The following QPRT variants were observed in gnomAD, a reference collection of about 807,000 sequenced individuals.
The protein encoded by QPRT is nicotinate-nucleotide pyrophosphorylase [carboxylating].
QPRT carries 17 observed loss-of-function variants against 19.8 expected under a neutral mutation model. That is an observed-to-expected ratio of 0.86 (90% CI 0.59 to 1.29). The LOEUF (loss-of-function observed/expected upper bound fraction) is 1.29, where lower values mean the gene tolerates loss of function less well. QPRT is among the 50% of genes most tolerant of loss of function. The pLI, the probability that QPRT is intolerant of heterozygous loss-of-function variation, is 0.00. For synonymous variants in QPRT, 178 were observed against 191.0 expected (o/e 0.93, Z 0.56); for missense variants, 336 against 405.1 (o/e 0.83, Z 1.46).
intron 1 of QPRT, among the ~76,000 whole-genome samples, chr16:29,680,537 G>T (rs941586144): frequency 6.6e-6 from 1 of 152,158 alleles, no homozygotes; most frequent in Non-Finnish European, 1.5e-5. Context: ...AAACCCAGGG[G>T]TCCATGCTCT....
intron 1 of QPRT, 82 bp from the exon 2 acceptor site, chr16:29,694,582 A>C: frequency 2.1e-6 from 3 of 1,399,512 alleles, no homozygotes; most frequent in South Asian, 1.5e-5. Context: ...TCCCAGTTTC[A>C]CTGGTTGTTA....
At chr16:29,691,555 T>C (rs1446743656) in intron 1 of QPRT, among the ~76,000 whole-genome samples, 2 of 151,640 alleles carry the variant, frequency 1.3e-5, no homozygotes, top group African/African-American at 4.8e-5. Flanking sequence ...GCATGGTTGG[T>C]GTGCGCCTGT....
At chr16:29,681,493 C>CTTTTTTTTTTT (rs10680462) in intron 1 of QPRT, among the ~76,000 whole-genome samples, 4 of 97,130 alleles carry the variant, frequency 4.1e-5, no homozygotes, top group Non-Finnish European at 5.6e-5. Context: ...GATCCAGATT[C>CTTTTTTTTTTT]TTTTTTTTTT....
chr16:29,695,084 G>C lies in QPRT; in HGVS notation c.434G>C (p.Arg145Pro), dbSNP rs780619295. The change falls in exon 2 of 4, where the codon CGG (arginine) becomes CCG (proline). Residue 145 changes from arginine (R) to proline (P), a missense_variant. Arg to Pro is a moderately radical substitution (Grantham distance 103, BLOSUM62 -2). Transcript: ENST00000395384. Reference sequence around the variant, plus strand: ...ACGAGGAAGACCACGCCAGGCTTCCGGCTGGTGGAGAAGTATGGGCTCCTG... The same window carrying C: ...ACGAGGAAGACCACGCCAGGCTTCCCGCTGGTGGAGAAGTATGGGCTCCTG... ...AGTRKTTPGF[R>P]LVEKYGLLVG... is the part of the protein sequence containing the mutation. The C allele has an allele frequency of 1.9e-6, 3 of 1,605,344 alleles. No individual in the cohort carries two copies. The highest frequency in any genetic ancestry group is 3.4e-5 in the Admixed American group (2 of 58,496).
chr16:29,679,028 G>GA, upstream of QPRT: 1 of 1,144,924 alleles, frequency 8.7e-7, no homozygotes. Flanking sequence ...GCCTGCTGAG[G>GA]AATCTGCAGG....
chr16:29,695,287 G>A (rs1052490405), intron 2 of QPRT, 88 bp downstream of exon 2: 12 of 1,382,686 alleles, frequency 8.7e-6, no homozygotes, highest in African/African-American at 6.0e-5. Context: ...AGCCATGACC[G>A]GGTGAACAGC....
At chr16:29,696,753 C>A in intron 2 of QPRT, 2 of 436,826 alleles carry the variant, frequency 4.6e-6, no homozygotes, top group Admixed American at 4.2e-5. Context: ...TGCACTCCAG[C>A]CTGGGCGACA....
chr16:29,684,538 G>A (rs1241477326), intron 1 of QPRT, among the ~76,000 whole-genome samples: 5 of 151,886 alleles, frequency 3.3e-5, no homozygotes, highest in Admixed American at 1.3e-4. Flanking sequence ...TAGTAGAGAC[G>A]GGGTTTCACC....
chr16:29,686,174 T>G (rs1222267548), intron 1 of QPRT, among the ~76,000 whole-genome samples: 1 of 152,150 alleles, frequency 6.6e-6, no homozygotes, highest in Non-Finnish European at 1.5e-5. Flanking sequence ...AAATGAAATT[T>G]TATGATGGCT....
Position 29,696,994 on chromosome 16 carries a change from A to G in QPRT, c.550-2A>G. 6.3e-7 allele frequency: 1 copy of G among 1,599,504 alleles called. No homozygotes were observed. Among genetic ancestry groups the G allele is most frequent in the South Asian group, 1.1e-5 (1 of 89,444 alleles). On this transcript the variant is annotated splice_acceptor_variant, in intron 2 of 3. Coordinates refer to ENST00000395384, the MANE Select transcript of QPRT (RefSeq NM_014298.6). LOFTEE classifies it high-confidence loss of function. Reference sequence around the variant, plus strand: ...ACCCTTGTCCTCCCGGCTGCCCAGCAGGCGGTGCGGGCGGCCAGACAGGCG... The same window carrying G: ...ACCCTTGTCCTCCCGGCTGCCCAGCGGGCGGTGCGGGCGGCCAGACAGGCG...
chr16:29,687,077 A>G (rs116793678), intron 1 of QPRT, among the ~76,000 whole-genome samples: 2,700 of 151,964 alleles, frequency 0.018, 89 homozygotes, highest in African/African-American at 0.061. Context: ...CTCATCCCCA[A>G]TCTCCCCCTT....
In QPRT at chr16:29,697,700, G is replaced by A. The variant is rs1162264261; in HGVS notation, c.*289G>A. Reference sequence around the variant, plus strand: ...GTCAGCAAATGTCAGAAGTTACCTGGGACAGCCGGGCACGATGGCTCACAC... The same window carrying A: ...GTCAGCAAATGTCAGAAGTTACCTGAGACAGCCGGGCACGATGGCTCACAC... On this transcript the variant is annotated 3_prime_UTR_variant, in exon 4 of 4. Transcript: ENST00000395384. This position sits in a 1 kb window ranked among gnomAD's most constrained non-coding sequence, Gnocchi z 4.4. The A allele has an allele frequency of 1.3e-5, 5 of 378,022 alleles. No individual in the cohort carries two copies. The highest frequency in any genetic ancestry group is 2.4e-5 in the Non-Finnish European group (5 of 209,590). 23.4% of individuals were successfully genotyped at this position (378,022 alleles called of 1,614,324 possible).
intron 1 of QPRT, 79 bp downstream of exon 1, chr16:29,679,289 A>C: frequency 2.6e-6 from 3 of 1,172,998 alleles, no homozygotes; most frequent in Non-Finnish European, 3.8e-6. Context: ...GGCTTGTCTC[A>C]GCCCCTTGTT....
In QPRT at chr16:29,694,989, CATT is replaced by C; in HGVS notation, c.340_342del (p.Ile114del). 6.2e-7 allele frequency: 1 copy of C among 1,606,472 alleles called. No individual in the cohort carries two copies. Among genetic ancestry groups the C allele is most frequent in the Non-Finnish European group, 8.5e-7 (1 of 1,179,050 alleles). ...TCAACACGCTGGCCCGCTGCAGTGG[CATT>C]GCCAGTGCTGCCGCCGCTGCAGTGG... is the stretch of plus-strand genomic sequence containing the variant. On this transcript the variant is annotated inframe_deletion, in exon 2 of 4. Coordinates refer to ENST00000395384, the MANE Select transcript of QPRT (RefSeq NM_014298.6).
intron 1 of QPRT, among the ~76,000 whole-genome samples, chr16:29,683,219 G>A (rs1567327656): frequency 1.3e-5 from 2 of 151,522 alleles, no homozygotes; most frequent in South Asian, 4.2e-4. Flanking sequence ...TAGAGACAGC[G>A]CTTCACCATG....
rs1261315054 is a variant in QPRT at position 29,698,168 on chromosome 16, A to AG, written c.*759dup. The AG allele has an allele frequency of 4.6e-5, 7 of 152,222 alleles. No individual in the cohort carries two copies. The highest frequency in any genetic ancestry group is 1.0e-4 in the Non-Finnish European group (7 of 68,116). 9.4% of individuals were successfully genotyped at this position (152,222 alleles called of 1,614,324 possible). On this transcript the variant is annotated 3_prime_UTR_variant, in exon 4 of 4. Coordinates refer to ENST00000395384, the MANE Select transcript of QPRT (RefSeq NM_014298.6). The stretch of plus-strand genomic sequence containing the variant: ...CTGGCTGTGAGTGCACAGCAGATGG[A>AG]GGTTTGCTGGGCAGAGACACTGGGC...
chr16:29,695,379 A>G (rs1170165917), intron 2 of QPRT, among the ~76,000 whole-genome samples, 180 bp downstream of exon 2: 1 of 151,964 alleles, frequency 6.6e-6, no homozygotes, highest in Non-Finnish European at 1.5e-5. Flanking sequence ...TCATCCAGCT[A>G]AGCTAAAGGG....
intron 1 of QPRT, among the ~76,000 whole-genome samples, chr16:29,679,993 T>TC (rs1206608018): frequency 2.7e-5 from 4 of 150,278 alleles, no homozygotes; most frequent in East Asian, 2.0e-4. Flanking sequence ...GGAGTCTCGC[T>TC]TTCCCCCAGG....
intron 1 of QPRT, 142 bp downstream of exon 1, chr16:29,679,352 C>T: frequency 5.1e-6 from 3 of 592,218 alleles, no homozygotes; most frequent in South Asian, 4.5e-5. Context: ...CCCTTACCTA[C>T]CCCATGTCCC....
Sources: allele counts gnomAD v4.1 joint callset (sites outside exome capture counted in the v4.1 genomes callset), GRCh38; gene constraint gnomAD v4.1.1; non-coding constraint Gnocchi (gnomAD v3.1); transcripts MANE v1.5; gene names NCBI Gene and HGNC (gene_info 2026-07-23, HGNC 2026-07-21).